The following GON4L variants were observed in gnomAD, a reference collection of about 807,000 sequenced individuals.
GON4L encodes the protein gon-4 like.
GON4L carries 87 observed loss-of-function variants against 211.8 expected under a neutral mutation model. The ratio of observed to expected loss-of-function variants is 0.41; its 90% CI spans 0.35 to 0.49. GON4L has a LOEUF of 0.49. Among genes scored for constraint, GON4L ranks in the 20% least tolerant of loss-of-function variants. The probability of loss-of-function intolerance (pLI) is 0.15; values close to 1 mark genes in which losing one functional copy is unlikely to be tolerated. For synonymous variants in GON4L, 875 were observed against 962.6 expected, an observed-to-expected ratio of 0.91 and a Z score of 1.68; for missense variants, 2,155 against 2,659.5, an observed-to-expected ratio of 0.81 and a Z score of 4.17.
intron 2 of GON4L, among the ~76,000 whole-genome samples, chr1:155,853,054 G>A (rs992930348): frequency 3.3e-5 from 5 of 152,064 alleles, no homozygotes; most frequent in Admixed American, 2.6e-4. Flanking sequence ...GGAGGCTGCA[G>A]TGAGTCAAGA....
At position 155,767,536 on chromosome 1, in the gene GON4L, A is replaced by G. The variant is rs766030019; in HGVS notation, c.2652T>C (p.Tyr884=). 1 of 1,609,650 alleles carries G rather than the reference A, an allele frequency of 6.2e-7. No individual in the cohort carries two copies. The highest frequency in any genetic ancestry group is 1.7e-5 in the Admixed American group (1 of 59,786). ...NRAPDNIIKF[Y]KKTKQLPVLG... is the part of the protein sequence containing the mutation. ...GGACTGGCAGCTGTTTGGTCTTCTT[A>G]TAAAACTTAACATGAAAAAAATGCG... The change falls in exon 20 of 32, where the codon TAT becomes TAC. Residue 884 remains tyrosine (Y), a synonymous_variant. Transcript: ENST00000368331.
Position 155,790,856 on chromosome 1 carries a change from T to A in GON4L, c.1747+4194A>T, listed in dbSNP as rs372320796. On this transcript the variant is annotated intron_variant, in intron 12 of 31. Transcript: ENST00000368331. Reference sequence around the variant, plus strand: ...CTACTCGGGAGGCTGAGGCAGGAGATTCACTTGAACCAGGGAGTCGGAGGT... The same window carrying A: ...CTACTCGGGAGGCTGAGGCAGGAGAATCACTTGAACCAGGGAGTCGGAGGT... Among the ~76,000 whole-genome samples the A allele has an allele frequency of 5.9e-3, 850 of 143,888 alleles. 4 individuals are homozygous for A. The highest frequency in any genetic ancestry group is 0.025 in the South Asian group (113 of 4,500). 94.4% of individuals were successfully genotyped at this position (143,888 alleles called of 152,430 possible).
intron 15 of GON4L, among the ~76,000 whole-genome samples, chr1:155,777,205 G>A (rs2101849036): frequency 6.6e-6 from 1 of 152,296 alleles, no homozygotes; most frequent in East Asian, 1.9e-4. Context: ...AAGATACTAT[G>A]GTTTTAGGAG....
At chr1:155,836,818 T>A (rs1489427318) in intron 2 of GON4L, among the ~76,000 whole-genome samples, 1 of 152,254 alleles carries the variant, frequency 6.6e-6, no homozygotes. Context: ...ACACTTATGT[T>A]TATCCAGTTG....
At chr1:155,748,558 C>T (rs1660345105), downstream of GON4L, 2 of 1,613,666 alleles carry the variant, frequency 1.2e-6, no homozygotes, top group East Asian at 4.5e-5. Context: ...GGGGTTGGGT[C>T]AGTGCTGAGA....
chr1:155,777,733 T>A lies in GON4L; in HGVS notation c.1980A>T (p.Ser660=). 1 of 1,612,616 alleles carries A rather than the reference T, an allele frequency of 6.2e-7. No homozygotes were observed. The highest frequency in any genetic ancestry group is 8.5e-7 in the Non-Finnish European group (1 of 1,178,566). The change falls in exon 15 of 32, where the codon TCA becomes TCT. Residue 660 remains serine (S), a synonymous_variant. Coordinates refer to ENST00000368331, the MANE Select transcript of GON4L (RefSeq NM_001282860.2). ...TCTCTACTTCCTGCAGCTGTTTGGCTGAAGATTTCTTCATCTTCAGCTGTT... is the reference window on the plus strand; with the variant it reads ...TCTCTACTTCCTGCAGCTGTTTGGCAGAAGATTTCTTCATCTTCAGCTGTT... ...LFEQLKMKKS[S]AKQLQEVEKV...
intron 3 of GON4L, among the ~76,000 whole-genome samples, chr1:155,825,514 G>A (rs575979988): frequency 4.0e-5 from 6 of 150,806 alleles, no homozygotes; most frequent in Admixed American, 2.7e-4. Flanking sequence ...AGACACTGCA[G>A]TGAGCCGAGA....
rs766274508 is a variant in GON4L at position 155,827,024 on chromosome 1, T to C, written c.510A>G (p.Lys170=). 7 of 1,611,222 alleles carry C rather than the reference T, an allele frequency of 4.3e-6. No homozygotes were observed. The East Asian group carries it at 1.3e-4, about 31-fold the overall frequency. ...PSEEVKEEGG[K]PQMNSEGEIP... is the part of the protein sequence containing the mutation. ...TCTCCCCTTCAGAATTCATTTGAGGTTTCCCTGGAAGAATCACAAATATTG... is the reference window on the plus strand; with the variant it reads ...TCTCCCCTTCAGAATTCATTTGAGGCTTCCCTGGAAGAATCACAAATATTG... The change falls in exon 3 of 32, where the codon AAA becomes AAG. Residue 170 remains lysine (K), a synonymous_variant. Coordinates refer to ENST00000368331, the MANE Select transcript of GON4L (RefSeq NM_001282860.2).
chr1:155,840,561 C>G (rs1311975696), intron 2 of GON4L, among the ~76,000 whole-genome samples: 1 of 152,192 alleles, frequency 6.6e-6, no homozygotes, highest in African/African-American at 2.4e-5. Flanking sequence ...CCACTGCCAG[C>G]CCTTTAAAAA....
chr1:155,757,168 T>C lies in GON4L; in HGVS notation c.5397+12A>G. 2 of 1,613,924 alleles carry C rather than the reference T, an allele frequency of 1.2e-6. No homozygotes were observed. Among genetic ancestry groups the C allele is most frequent in the Non-Finnish European group, 1.7e-6 (2 of 1,179,880 alleles). On this transcript the variant is annotated intron_variant, in intron 26 of 31. Transcript: ENST00000368331. ...CCCCTTCATAAGGCTACAGCAGCCTTAGGTCCTATACCTCATACTCCTTTT... is the reference window on the plus strand; with the variant it reads ...CCCCTTCATAAGGCTACAGCAGCCTCAGGTCCTATACCTCATACTCCTTTT...
At chr1:155,857,033 A>G (rs1441186616) in intron 1 of GON4L, 114 bp downstream of exon 1, 1 of 152,472 alleles carries the variant, frequency 6.6e-6, no homozygotes, top group East Asian at 1.9e-4. Context: ...TCACGCCCTT[A>G]ACTTCCGCCA....
rs1557836784 is a variant in GON4L at position 155,766,176 on chromosome 1, C to T, written c.3297G>A (p.Lys1099=). 1.2e-6 allele frequency: 2 copies of T among 1,614,112 alleles called. No homozygotes were observed. The highest frequency in any genetic ancestry group is 8.5e-7 in the Non-Finnish European group (1 of 1,180,022). ...QTLLSSAPVP[K]VMLPSLAPSK... ...AAGGGGCAAGGGAGGGCAGCATTAC[C>T]TTGGGCACAGGGGCAGAAGAGAGCA... is the stretch of plus-strand genomic sequence containing the variant. Residue 1099 remains lysine, a synonymous_variant, in exon 21 of 32, where the codon AAG becomes AAA. Transcript: ENST00000368331.
chr1:155,775,545 C>A (rs1381460020), intron 16 of GON4L, among the ~76,000 whole-genome samples: 2 of 151,608 alleles, frequency 1.3e-5, no homozygotes, highest in African/African-American at 4.8e-5. Context: ...GTCTCCACTT[C>A]CTGGGCTCAA....
chr1:155,816,348 G>A, intron 6 of GON4L, 86 bp from the exon 7 acceptor site: 1 of 704,056 alleles, frequency 1.4e-6, no homozygotes, highest in South Asian at 1.6e-5. Flanking sequence ...ATCACTAACA[G>A]CCATATACTT....
intron 24 of GON4L, among the ~76,000 whole-genome samples, chr1:155,759,983 G>GATAT (rs34157141): frequency 4.0e-4 from 54 of 134,154 alleles, no homozygotes; most frequent in African/African-American, 1.4e-3. Flanking sequence ...ATATATATAT[G>GATAT]ATATATATAT....
chr1:155,854,452 G>A (rs1435159805), intron 1 of GON4L, among the ~76,000 whole-genome samples: 2 of 152,180 alleles, frequency 1.3e-5, no homozygotes, highest in Non-Finnish European at 2.9e-5. Flanking sequence ...ACCGCGTCCA[G>A]CAAACATTGT....
chr1:155,797,306 C>T (rs1368641164), intron 11 of GON4L, among the ~76,000 whole-genome samples: 1 of 151,054 alleles, frequency 6.6e-6, no homozygotes, highest in African/African-American at 2.4e-5. Flanking sequence ...GTAGAGACGG[C>T]GTTTCACCAT....
chr1:155,841,384 C>T (rs775208311), intron 2 of GON4L, among the ~76,000 whole-genome samples: 1 of 152,154 alleles, frequency 6.6e-6, no homozygotes, highest in East Asian at 1.9e-4. Context: ...AGGACAGGCA[C>T]ACAGATACCT....
chr1:155,809,983 T>TTATAAATTATATAC (rs1557886101), intron 10 of GON4L, among the ~76,000 whole-genome samples: 1 of 49,390 alleles, frequency 2.0e-5, no homozygotes, highest in African/African-American at 7.8e-5. Flanking sequence ...AAATTATATA[T>TTATAAATTATATAC]ATATATAATT....
Sources: allele counts gnomAD v4.1 joint callset (sites outside exome capture counted in the v4.1 genomes callset), GRCh38; gene constraint gnomAD v4.1.1; transcripts MANE v1.5; gene names NCBI Gene and HGNC (gene_info 2026-07-23, HGNC 2026-07-21).